Variants in MRPS28 observed in about 807,000 individuals in gnomAD.
MRPS28 encodes small ribosomal subunit protein bS1m.
MRPS28 carries 7 observed loss-of-function variants against 10.8 expected under a neutral mutation model. That is an observed-to-expected ratio of 0.65 (90% CI 0.37 to 1.22). The LOEUF (loss-of-function observed/expected upper bound fraction) is 1.22, where lower values mean the gene tolerates loss of function less well. Among genes scored for constraint, MRPS28 ranks in the 50% most tolerant of loss-of-function variants. MRPS28 has a pLI of 0.02. For missense variants in MRPS28, 265 were observed against 232.9 expected (o/e 1.14, Z -0.90); for synonymous variants, 121 against 93.3 (o/e 1.30, Z -1.71).
intron 2 of MRPS28, among the ~76,000 whole-genome samples, chr8:79,933,889 T>C (rs541918153): frequency 6.9e-4 from 105 of 152,280 alleles, no homozygotes; most frequent in South Asian, 1.5e-3. Context: ...TTTTACTGAG[T>C]TTCAAGAATA....
chr8:80,027,132 T>C (rs1048827327), intron 1 of MRPS28, among the ~76,000 whole-genome samples: 3 of 152,126 alleles, frequency 2.0e-5, no homozygotes, highest in Admixed American at 6.5e-5. Context: ...AAGAACTGTG[T>C]AATTGTGGAA....
chr8:79,948,788 G>A (rs934164129), intron 2 of MRPS28, among the ~76,000 whole-genome samples: 12 of 151,654 alleles, frequency 7.9e-5, no homozygotes, highest in African/African-American at 2.2e-4. Flanking sequence ...AAGTTAAACC[G>A]AACTTACATT....
intron 2 of MRPS28, among the ~76,000 whole-genome samples, chr8:79,994,569 T>TG (rs540978796): frequency 4.5e-4 from 69 of 152,226 alleles, no homozygotes; most frequent in African/African-American, 1.6e-3. Flanking sequence ...AACTGCTAAA[T>TG]GTGTCTCCTT....
intron 2 of MRPS28, among the ~76,000 whole-genome samples, chr8:79,965,443 G>A (rs767017546): frequency 6.6e-6 from 1 of 152,034 alleles, no homozygotes; most frequent in Non-Finnish European, 1.5e-5. Context: ...AGAAGTCACT[G>A]TCTTAGAAGA....
At chr8:79,962,812 T>C (rs1306482797) in intron 2 of MRPS28, among the ~76,000 whole-genome samples, 1 of 152,156 alleles carries the variant, frequency 6.6e-6, no homozygotes, top group Non-Finnish European at 1.5e-5. Context: ...ATAAAAGTGA[T>C]TCTTCTCCAC....
chr8:79,982,399 C>A (rs528874713), intron 2 of MRPS28, among the ~76,000 whole-genome samples: 1 of 152,300 alleles, frequency 6.6e-6, no homozygotes, highest in East Asian at 1.9e-4. Flanking sequence ...CTGGGGAGTG[C>A]CAGACAGTGG....
chr8:79,983,088 C>G (rs1050439480), intron 2 of MRPS28, among the ~76,000 whole-genome samples: 2 of 151,872 alleles, frequency 1.3e-5, no homozygotes, highest in Non-Finnish European at 2.9e-5. Flanking sequence ...TTCAGAGGAA[C>G]GATCAGACAG....
chr8:80,015,103 C>T (rs1414979382), intron 1 of MRPS28, among the ~76,000 whole-genome samples: 1 of 152,150 alleles, frequency 6.6e-6, no homozygotes, highest in Non-Finnish European at 1.5e-5. Flanking sequence ...TCCAGAGAGA[C>T]TCAGTTATTG....
At chr8:79,995,976 G>A (rs573699722) in intron 2 of MRPS28, among the ~76,000 whole-genome samples, 1 of 152,152 alleles carries the variant, frequency 6.6e-6, no homozygotes, top group South Asian at 2.1e-4. Context: ...AGGGTTATAT[G>A]GTTATGCAGC....
intron 1 of MRPS28, among the ~76,000 whole-genome samples, chr8:80,005,307 C>T (rs1226945795): frequency 6.6e-6 from 1 of 152,104 alleles, no homozygotes; most frequent in Non-Finnish European, 1.5e-5. Flanking sequence ...ACTCTACAAG[C>T]CAGAAGAGAG....
intron 2 of MRPS28, among the ~76,000 whole-genome samples, chr8:79,989,144 T>C (rs1563535574): frequency 6.6e-6 from 1 of 152,116 alleles, no homozygotes; most frequent in Admixed American, 6.5e-5. Flanking sequence ...AACTGATGAA[T>C]GAACGGTAAT....
At chr8:79,925,241 GA>G (rs149399567) in intron 2 of MRPS28, among the ~76,000 whole-genome samples, 12,346 of 135,256 alleles carry the variant, frequency 0.091, 1,112 homozygotes, top group African/African-American at 0.25. Context: ...AAAGTCCTTT[GA>G]AAAAAAAAAA....
chr8:79,985,469 A>T (rs975029295), intron 2 of MRPS28, among the ~76,000 whole-genome samples: 3 of 152,194 alleles, frequency 2.0e-5, no homozygotes, highest in African/African-American at 4.8e-5. Context: ...ACCCTTCAAA[A>T]AATTAATGAA....
intron 2 of MRPS28, among the ~76,000 whole-genome samples, chr8:79,951,961 T>C (rs1483892574): frequency 6.6e-6 from 1 of 152,230 alleles, no homozygotes; most frequent in African/African-American, 2.4e-5. Flanking sequence ...TTGGTAAGTT[T>C]CTTATTGTTT....
intron 2 of MRPS28, among the ~76,000 whole-genome samples, chr8:79,959,201 A>G (rs1296939545): frequency 6.6e-6 from 1 of 152,140 alleles, no homozygotes; most frequent in Non-Finnish European, 1.5e-5. Context: ...GCAGTAAATC[A>G]GCTCCAAAAT....
At chr8:79,998,065 AAAAGAAAG>A (rs898196299) in intron 2 of MRPS28, among the ~76,000 whole-genome samples, 1 of 151,642 alleles carries the variant, frequency 6.6e-6, no homozygotes, top group East Asian at 1.9e-4. Context: ...AAAAAAAAAA[AAAAGAAAG>A]AAAGAAAGAA....
intron 2 of MRPS28, among the ~76,000 whole-genome samples, chr8:79,937,019 C>T (rs927213226): frequency 1.3e-5 from 2 of 152,100 alleles, no homozygotes; most frequent in Non-Finnish European, 2.9e-5. Context: ...TGCCACCACG[C>T]CCCGCTAATT....
At chr8:79,943,335 C>T (rs753658634) in intron 2 of MRPS28, among the ~76,000 whole-genome samples, 2 of 152,208 alleles carry the variant, frequency 1.3e-5, no homozygotes, top group Non-Finnish European at 2.9e-5. Flanking sequence ...TAATTTCTAA[C>T]AGTAATACAT....
chr8:80,002,453 C>G (rs1808686268), intron 2 of MRPS28, among the ~76,000 whole-genome samples: 1 of 152,146 alleles, frequency 6.6e-6, no homozygotes, highest in African/African-American at 2.4e-5. Flanking sequence ...TTTCCCATCT[C>G]AGAATCTTAG....
Sources: gnomAD v4.1 joint callset for allele counts (sites outside exome capture counted in the v4.1 genomes callset) on GRCh38, gnomAD v4.1.1 for gene constraint, MANE v1.5 for transcripts, NCBI Gene and HGNC (gene_info 2026-07-23, HGNC 2026-07-21) for gene names.